Variants in LAMA3 observed in about 807,000 individuals in gnomAD.
The protein encoded by LAMA3 is laminin subunit alpha-3.
In LAMA3, 281 loss-of-function variants were observed where a neutral mutation model predicts 402.0. The observed-to-expected ratio is 0.70, with a 90% CI of 0.63 to 0.77. The LOEUF is 0.77. LAMA3 is among the 30% of genes least tolerant of loss of function. The pLI is 0.00. For missense variants in LAMA3, 3,840 were observed against 4,215.5 expected (o/e 0.91, Z 2.47); for synonymous variants, 1,431 against 1,558.4 (o/e 0.92, Z 1.93).
At chr18:23,762,145 A>G (rs2061981819) in intron 7 of LAMA3, among the ~76,000 whole-genome samples, 1 of 150,772 alleles carries the variant, frequency 6.6e-6, no homozygotes, top group African/African-American at 2.4e-5. Context: ...GAGCCCACAT[A>G]GTTGAGACTG....
At chr18:23,858,946 G>A (rs746895351) in intron 34 of LAMA3, 117 bp downstream of exon 34, 12 of 1,096,526 alleles carry the variant, frequency 1.1e-5, no homozygotes, top group African/African-American at 9.2e-5. Flanking sequence ...TCCTGAATTC[G>A]TCAGTTGTTT....
intron 18 of LAMA3, 24 bp from the exon 19 acceptor site, chr18:23,819,817 G>T (rs2063248734): frequency 6.2e-7 from 1 of 1,608,470 alleles, no homozygotes; most frequent in African/African-American, 1.3e-5. Context: ...CCTCCTGTAT[G>T]TGTTTACTTT....
chr18:23,720,715 A>T (rs529581802), intron 2 of LAMA3, among the ~76,000 whole-genome samples: 2 of 152,340 alleles, frequency 1.3e-5, no homozygotes, highest in African/African-American at 4.8e-5. Context: ...TGGGTAGAAA[A>T]ACAGGTGCCA....
At chr18:23,713,495 C>A (rs2061035793) in intron 1 of LAMA3, among the ~76,000 whole-genome samples, 1 of 152,220 alleles carries the variant, frequency 6.6e-6, no homozygotes, top group South Asian at 2.1e-4. Context: ...ACCACTGGGA[C>A]TGTGGGGAGG....
rs766451347 is a variant in LAMA3 at position 23,884,769 on chromosome 18, C to G, written c.5223-4C>G. 1 of 1,613,244 alleles carries G rather than the reference C, an allele frequency of 6.2e-7. No homozygotes were observed. ...GATGGGGCCTTTTTCTGTCTTCTTT[C>G]AAGCTTTGCCACTGGCTGTGTGGTG... On this transcript the variant is annotated splice_region_variant and splice_polypyrimidine_tract_variant and intron_variant, in intron 40 of 74. Transcript: ENST00000313654.
Position 23,822,359 on chromosome 18 carries a change from T to A in LAMA3, c.2412T>A (p.Thr804=). ...CTGAAGCAGTATCTGGCCATATAAC[T>A]ATTTATCCATCCTGGGGTAAGGCAC... is the stretch of plus-strand genomic sequence containing the variant. ...PGTEAVSGHI[T]IYPSWGAAQS... Residue 804 remains threonine, a synonymous_variant, in exon 20 of 75, where the codon ACT becomes ACA. Transcript: ENST00000313654. 1 of 1,613,880 alleles carries A rather than the reference T, an allele frequency of 6.2e-7. No individual in the cohort carries two copies. The highest frequency in any genetic ancestry group is 8.5e-7 in the Non-Finnish European group (1 of 1,179,754).
At chr18:23,894,768 TC>T in intron 43 of LAMA3, 138 bp from the exon 44 acceptor site, 1 of 1,019,884 alleles carries the variant, frequency 9.8e-7, no homozygotes, top group Non-Finnish European at 1.5e-6. Flanking sequence ...TCCACATCCA[TC>T]CCTGAGAAGG....
intron 38 of LAMA3, among the ~76,000 whole-genome samples, chr18:23,874,297 G>A (rs2064631816): frequency 6.6e-6 from 1 of 152,162 alleles, no homozygotes; most frequent in African/African-American, 2.4e-5. Context: ...CCACTTATTA[G>A]GACAGATTGT....
intron 39 of LAMA3, 86 bp from the exon 40 acceptor site, chr18:23,881,850 A>G (rs1441846450): frequency 2.4e-6 from 2 of 838,192 alleles, no homozygotes; most frequent in Admixed American, 2.0e-5. Context: ...CTTGAGTTGT[A>G]GTCATGTGAC....
At chr18:23,944,989 T>C (rs2145514486) in intron 69 of LAMA3, among the ~76,000 whole-genome samples, 1 of 152,062 alleles carries the variant, frequency 6.6e-6, no homozygotes, top group East Asian at 1.9e-4. Context: ...AAACATTAGC[T>C]GGGCATGGTG....
Position 23,839,924 on chromosome 18 carries a change from C to T in LAMA3, c.3331C>T (p.Pro1111Ser), listed in dbSNP as rs374195920. 1.9e-4 allele frequency: 309 copies of T among 1,614,020 alleles called. No individual in the cohort carries two copies. Among genetic ancestry groups the T allele is most frequent in the Non-Finnish European group, 2.4e-4 (287 of 1,180,024 alleles). Reference protein sequence around the residue: ...DVLPGVTLKAPQNQVTLRGRV... With the variant: ...DVLPGVTLKASQNQVTLRGRV... ...TCTTCCTGGGGTCACCTTGAAGGCA[C>T]CGCAGGTAGTGTGCTGTTTCTAAAC... is the stretch of plus-strand genomic sequence containing the variant. The change falls in exon 27 of 75, where the codon CCG becomes TCG. Residue 1111 changes from proline (P) to serine (S), a missense_variant. By Grantham distance (74) the Pro-to-Ser change is moderately conservative. This residue lies in a region of LAMA3 where 2,109 missense variants were observed against 2,376.0 expected (regional missense o/e 0.89). Coordinates refer to ENST00000313654, the MANE Select transcript of LAMA3 (RefSeq NM_198129.4). The surrounding 1 kb of genome is among the most constrained non-coding windows in gnomAD (Gnocchi z 4.5).
At chr18:23,845,311 A>C (rs190620950) in intron 30 of LAMA3, among the ~76,000 whole-genome samples, 187 bp downstream of exon 30, 129 of 152,290 alleles carry the variant, frequency 8.5e-4, no homozygotes, top group Admixed American at 1.4e-3. Flanking sequence ...AGACTTTGCC[A>C]TGTGCTGCCT....
rs1236946235 is a variant in LAMA3, at chr18:23,752,907, C to CTTT, written c.856-814_856-813insTTT. ...GATATTCTTCTCACTGGCAGCATGG[C>CTTT]CTCAATGAGAAAGATTGTTCTACAG... On this transcript the variant is annotated intron_variant, in intron 5 of 74. Coordinates refer to ENST00000313654, the MANE Select transcript of LAMA3 (RefSeq NM_198129.4). Among the ~76,000 whole-genome samples, 4 of 152,228 alleles carry CTTT rather than the reference C, an allele frequency of 2.6e-5. No individual in the cohort carries two copies. The South Asian group carries it at 8.3e-4, about 31-fold the overall frequency.
intron 11 of LAMA3, among the ~76,000 whole-genome samples, chr18:23,778,699 C>T (rs1254627612): frequency 1.3e-5 from 2 of 152,224 alleles, no homozygotes; most frequent in Non-Finnish European, 2.9e-5. Context: ...GAGTTTGCCT[C>T]TCCTACCCCA....
chr18:23,873,309 G>T, intron 38 of LAMA3: 1 of 1,120,304 alleles, frequency 8.9e-7, no homozygotes. Flanking sequence ...GAGTAAATGG[G>T]TGGACTGAGG....
At chr18:23,698,699 AG>A (rs1193505898) in intron 1 of LAMA3, among the ~76,000 whole-genome samples, 2 of 152,364 alleles carry the variant, frequency 1.3e-5, no homozygotes, top group Admixed American at 6.5e-5. Flanking sequence ...CCTGGAGACA[AG>A]CGTGCCCACG....
At chr18:23,712,656 A>C (rs988045734) in intron 1 of LAMA3, among the ~76,000 whole-genome samples, 2 of 147,784 alleles carry the variant, frequency 1.4e-5, no homozygotes. Context: ...ATCTACACAG[A>C]TACCTCACCA....
chr18:23,755,766 T>C (rs766514236), intron 6 of LAMA3, among the ~76,000 whole-genome samples: 1 of 152,176 alleles, frequency 6.6e-6, no homozygotes, highest in Non-Finnish European at 1.5e-5. Flanking sequence ...AGAAAAAACA[T>C]GATTGTTGAC....
chr18:23,731,046 G>A (rs2061386675), intron 2 of LAMA3, among the ~76,000 whole-genome samples: 1 of 152,088 alleles, frequency 6.6e-6, no homozygotes, highest in South Asian at 2.1e-4. Context: ...ACGGTGCCAG[G>A]TTATAATTTT....
Sources: gnomAD v4.1 joint callset for allele counts (sites outside exome capture counted in the v4.1 genomes callset) on GRCh38, gnomAD v4.1.1 for gene constraint, gnomAD v4.1.1 regional missense constraint, Gnocchi (gnomAD v3.1) non-coding constraint, MANE v1.5 for transcripts, NCBI Gene and HGNC (gene_info 2026-07-23, HGNC 2026-07-21) for gene names.